Variants in CCDC171 observed in about 807,000 individuals in gnomAD.
CCDC171 encodes the protein coiled-coil domain containing 171.
CCDC171 carries 177 observed loss-of-function variants against 168.2 expected under a neutral mutation model. The ratio of observed to expected loss-of-function variants is 1.05; its 90% CI spans 0.93 to 1.19. CCDC171 has a LOEUF of 1.19. Among genes scored for constraint, CCDC171 ranks in the 50% most tolerant of loss-of-function variants. The pLI is 0.00. For missense variants in CCDC171, 1,991 were observed against 1,539.0 expected, an observed-to-expected ratio of 1.29 and a Z score of -4.91; for synonymous variants, 687 against 540.8, an observed-to-expected ratio of 1.27 and a Z score of -3.75.
chr9:15,878,120 AATG>A (rs1818105139), intron 24 of CCDC171, among the ~76,000 whole-genome samples: 1 of 152,180 alleles, frequency 6.6e-6, no homozygotes, highest in Non-Finnish European at 1.5e-5. Flanking sequence ...AAAGACAACA[AATG>A]ACAAATGGGA....
intron 10 of CCDC171, among the ~76,000 whole-genome samples, chr9:15,684,511 AT>A (rs1377802222): frequency 6.6e-6 from 1 of 152,004 alleles, no homozygotes; most frequent in East Asian, 1.9e-4. Context: ...ATAAATATTT[AT>A]ATATAGTTTT....
At chr9:15,741,466 C>G (rs1191289042) in intron 16 of CCDC171, among the ~76,000 whole-genome samples, 2 of 152,076 alleles carry the variant, frequency 1.3e-5, no homozygotes, top group East Asian at 3.9e-4. Context: ...TACTTCATTC[C>G]TTTTTATGGC....
At chr9:15,659,871 T>C (rs933631914) in intron 8 of CCDC171, among the ~76,000 whole-genome samples, 1 of 152,208 alleles carries the variant, frequency 6.6e-6, no homozygotes, top group Non-Finnish European at 1.5e-5. Context: ...CTATCACCAC[T>C]CCGTTACTTT....
chr9:15,635,146 T>C (rs562252089), intron 7 of CCDC171, among the ~76,000 whole-genome samples: 1 of 152,250 alleles, frequency 6.6e-6, no homozygotes, highest in Non-Finnish European at 1.5e-5. Flanking sequence ...TGACTTACAC[T>C]ATCACAAGTT....
intron 6 of CCDC171, among the ~76,000 whole-genome samples, chr9:15,599,772 C>G (rs1391794694): frequency 1.3e-5 from 2 of 152,168 alleles, no homozygotes; most frequent in African/African-American, 2.4e-5. Flanking sequence ...CTGCCCGTCA[C>G]TTTCAGGTAC....
chr9:16,004,081 G>C (rs1407333902), intron 3 of CCDC171, among the ~76,000 whole-genome samples: 1 of 152,190 alleles, frequency 6.6e-6, no homozygotes, highest in Non-Finnish European at 1.5e-5. Flanking sequence ...GCTGGGATCA[G>C]AAAGGAACAC....
rs866415331 is a variant in CCDC171 at position 15,630,702 on chromosome 9, C to G, written c.822+7289C>G. 5.3e-5 allele frequency among the ~76,000 whole-genome samples: 8 copies of G among 152,282 alleles called. No individual in the cohort carries two copies. In the South Asian group the frequency reaches 1.2e-3, roughly 24 times the overall value. ...TAATAGACATCTACAGAACTCTCCA[C>G]CCCAAATCAACAGAATATACATTTT... On this transcript the variant is annotated intron_variant, in intron 7 of 25. Transcript: ENST00000380701.
At chr9:15,803,573 GATGT>G in intron 21 of CCDC171, among the ~76,000 whole-genome samples, 1 of 152,154 alleles carries the variant, frequency 6.6e-6, no homozygotes, top group South Asian at 2.1e-4. Flanking sequence ...GATGGTTGTA[GATGT>G]ATGATTTTAT....
At chr9:15,666,089 A>AAGT in intron 8 of CCDC171, 74 bp from the exon 9 acceptor site, 1 of 1,319,460 alleles carries the variant, frequency 7.6e-7, no homozygotes, top group East Asian at 2.3e-5. Context: ...GTTACTGACA[A>AAGT]AGTATTCTAC....
intron 3 of CCDC171, among the ~76,000 whole-genome samples, chr9:16,005,178 C>T (rs939462988): frequency 6.6e-6 from 1 of 152,182 alleles, no homozygotes; most frequent in Non-Finnish European, 1.5e-5. Context: ...TCCACCTGCC[C>T]TAGGCAACCA....
At position 15,942,456 on chromosome 9, in the gene CCDC171, AGAAAG is replaced by A. The variant is rs533504326; in HGVS notation, c.3753+22042_3753+22046del. Among the ~76,000 whole-genome samples the A allele has an allele frequency of 6.2e-3, 949 of 151,982 alleles. 3 individuals are homozygous for A. The highest frequency in any genetic ancestry group is 0.01 in the Non-Finnish European group (704 of 67,918). ...TCCCTGCCCCTTTCTTAAGGGAAGG[AGAAAG>A]GAAAGGAGAGAAATTGCTGTTGTGT... is the stretch of plus-strand genomic sequence containing the variant. On this transcript the variant is annotated intron_variant, in intron 25 of 25. Coordinates refer to ENST00000380701, the MANE Select transcript of CCDC171 (RefSeq NM_173550.4).
At chr9:15,911,337 A>C (rs960897628) in intron 24 of CCDC171, among the ~76,000 whole-genome samples, 1 of 152,160 alleles carries the variant, frequency 6.6e-6, no homozygotes, top group Admixed American at 6.5e-5. Flanking sequence ...GGCCATATAA[A>C]TGTCTTCTTA....
rs139942471 is a variant in CCDC171, at chr9:16,013,015, TCA to T, written n.369-7569_369-7568del. The stretch of plus-strand genomic sequence containing the variant: ...AAGCTGAAGTCTGACACCTTCACTT[TCA>T]CACAGTCTGGGGAACACCTTCACCC... On this transcript the variant is annotated intron_variant and non_coding_transcript_variant, in intron 3 of 9. Transcript: ENST00000486641. Among the ~76,000 whole-genome samples, 33 of 152,314 alleles carry T rather than the reference TCA, an allele frequency of 2.2e-4. No individual in the cohort carries two copies. In the East Asian group the frequency reaches 6.4e-3, roughly 29 times the overall value.
intron 11 of CCDC171, among the ~76,000 whole-genome samples, chr9:15,709,019 C>T (rs1273937857): frequency 1.3e-5 from 2 of 151,734 alleles, no homozygotes; most frequent in East Asian, 1.9e-4. Flanking sequence ...AACTAAGCAC[C>T]ACAAAACGAG....
chr9:15,665,721 C>G (rs1183844434), intron 8 of CCDC171, among the ~76,000 whole-genome samples: 3 of 152,192 alleles, frequency 2.0e-5, no homozygotes, highest in African/African-American at 7.2e-5. Flanking sequence ...TTCAAGGCTG[C>G]AGTGAGCTAT....
At chr9:15,781,295 G>A (rs16933593) in intron 20 of CCDC171, among the ~76,000 whole-genome samples, 4,537 of 152,274 alleles carry the variant, frequency 0.03, 236 homozygotes, top group African/African-American at 0.1. Context: ...GTTAGTGGAA[G>A]GTGACAGAAT....
chr9:15,561,091 A>G (rs1180531826), intron 1 of CCDC171, among the ~76,000 whole-genome samples: 2 of 152,044 alleles, frequency 1.3e-5, no homozygotes, highest in Non-Finnish European at 2.9e-5. Context: ...TACAGACTGG[A>G]GCTGTTCCTA....
intron 24 of CCDC171, among the ~76,000 whole-genome samples, chr9:15,918,264 T>A (rs1343075453): frequency 6.6e-6 from 1 of 151,568 alleles, no homozygotes; most frequent in African/African-American, 2.4e-5. Flanking sequence ...CTTCAGTAAA[T>A]CCCTAGTAAA....
At chr9:15,989,027 G>A (rs548344201) in intron 3 of CCDC171, among the ~76,000 whole-genome samples, 4 of 152,336 alleles carry the variant, frequency 2.6e-5, no homozygotes, top group Admixed American at 1.3e-4. Context: ...ACAAAAGGCA[G>A]CAGAAACCTC....
Sources: gnomAD v4.1 joint callset for allele counts (sites outside exome capture counted in the v4.1 genomes callset) on GRCh38, gnomAD v4.1.1 for gene constraint, MANE v1.5 for transcripts, NCBI Gene and HGNC (gene_info 2026-07-23, HGNC 2026-07-21) for gene names.